SETDB1: variants seen among roughly 807,000 people sequenced by gnomAD.
SETDB1 encodes histone-lysine N-methyltransferase SETDB1.
SETDB1 carries 31 observed loss-of-function variants against 137.4 expected under a neutral mutation model. The ratio of observed to expected loss-of-function variants is 0.23; its 90% CI spans 0.17 to 0.30. The LOEUF (loss-of-function observed/expected upper bound fraction) is 0.30, where lower values mean the gene tolerates loss of function less well. Ranked by LOEUF, SETDB1 falls within the 10% of genes least tolerant of loss-of-function variation. The pLI is 1.00. For missense variants in SETDB1, 1,113 were observed against 1,631.5 expected (o/e 0.68, Z 5.47); for synonymous variants, 548 against 579.9 (o/e 0.95, Z 0.79).
At chr1:150,932,177 G>A (rs920428389) in intron 3 of SETDB1, among the ~76,000 whole-genome samples, 1 of 151,592 alleles carries the variant, frequency 6.6e-6, no homozygotes, top group Admixed American at 6.6e-5. Flanking sequence ...CTTGAGCCCA[G>A]GAGTTCAAGA....
At position 150,960,543 on chromosome 1, in the gene SETDB1, T is replaced by C. The variant is rs1454234167; in HGVS notation, c.2504-20T>C. The C allele has an allele frequency of 7.5e-6, 12 of 1,602,948 alleles. No individual in the cohort carries two copies. The highest frequency in any genetic ancestry group is 1.4e-5 in the African/African-American group (1 of 73,896). ...AGGTCCCCATAACCCTAGAAGGCCT[T>C]TAATTCTCTTCATTCTCAGGCAAAA... On this transcript the variant is annotated intron_variant, in intron 15 of 21. Coordinates refer to ENST00000692827, the MANE Select transcript of SETDB1 (RefSeq NM_001366418.1).
intron 3 of SETDB1, 72 bp from the exon 4 acceptor site, chr1:150,939,868 G>C: frequency 1.8e-6 from 2 of 1,081,540 alleles, no homozygotes; most frequent in Non-Finnish European, 2.8e-6. Flanking sequence ...TTTTGAGTAA[G>C]TTAGTTCTTA....
intron 8 of SETDB1, among the ~76,000 whole-genome samples, chr1:150,944,213 C>A (rs1670252255): frequency 6.6e-6 from 1 of 152,170 alleles, no homozygotes; most frequent in South Asian, 2.1e-4. Flanking sequence ...AAGAGTGAGA[C>A]ACTAGAAGAT....
intron 2 of SETDB1, among the ~76,000 whole-genome samples, chr1:150,929,645 T>G (rs1409551262): frequency 6.6e-6 from 1 of 152,018 alleles, no homozygotes; most frequent in Non-Finnish European, 1.5e-5. Flanking sequence ...GCCTCCCAAA[T>G]TGCTGGGATT....
chr1:150,948,717 T>C (rs1670405953), intron 10 of SETDB1, among the ~76,000 whole-genome samples: 1 of 151,806 alleles, frequency 6.6e-6, no homozygotes. Flanking sequence ...ACTCAAAATG[T>C]GTCCATTGCT....
intron 20 of SETDB1, 124 bp downstream of exon 20, chr1:150,963,865 G>C: frequency 1.5e-6 from 2 of 1,293,198 alleles, no homozygotes; most frequent in Non-Finnish European, 2.2e-6. Flanking sequence ...TAAAGAGGTA[G>C]CTTTCTTTCA....
At chr1:150,948,154 A>G (rs979114293) in intron 10 of SETDB1, among the ~76,000 whole-genome samples, 3 of 151,998 alleles carry the variant, frequency 2.0e-5, no homozygotes, top group Admixed American at 1.3e-4. Flanking sequence ...CTTGAAGCCC[A>G]GGATTTCAAG....
At chr1:150,942,065 G>A (rs753497921) in intron 5 of SETDB1, among the ~76,000 whole-genome samples, 6 of 150,732 alleles carry the variant, frequency 4.0e-5, no homozygotes, top group African/African-American at 7.3e-5. Flanking sequence ...GCTTGAACCC[G>A]GAAGGTGAAG....
At chr1:150,961,631 G>A (rs1390319153) in intron 16 of SETDB1, 1 of 173,220 alleles carries the variant, frequency 5.8e-6, no homozygotes, top group African/African-American at 2.4e-5. Context: ...TCCAGCCTGG[G>A]TGACAGAACG....
intron 10 of SETDB1, among the ~76,000 whole-genome samples, chr1:150,948,621 A>G (rs1195728665): frequency 6.6e-6 from 1 of 152,184 alleles, no homozygotes; most frequent in Admixed American, 6.5e-5. Context: ...TCACTTTAAT[A>G]AAAGAAAAAG....
chr1:150,945,992 A>T (rs1185659439), intron 9 of SETDB1, among the ~76,000 whole-genome samples: 1 of 144,610 alleles, frequency 6.9e-6, no homozygotes, highest in African/African-American at 2.5e-5. Flanking sequence ...GTGAGCCACC[A>T]CGCCTGGCCT....
intron 10 of SETDB1, among the ~76,000 whole-genome samples, chr1:150,947,533 A>G (rs1670365411): frequency 6.6e-6 from 1 of 152,130 alleles, no homozygotes; most frequent in South Asian, 2.1e-4. Flanking sequence ...CACTTTAGGA[A>G]GCTGAGACAG....
chr1:150,961,191 G>A lies in SETDB1; in HGVS notation c.3132G>A (p.Glu1044=). 1 of 1,612,428 alleles carries A rather than the reference G, an allele frequency of 6.2e-7. No homozygotes were observed. The highest frequency in any genetic ancestry group is 1.3e-5 in the African/African-American group (1 of 74,998). ...DEGDIKQAKK[E]DTDDRNKMSV... ...GAGACATCAAACAGGCCAAGAAAGA[G>A]GTAAGCAGTGGCAGAACACTCTGAG... Residue 1044 remains glutamate, a splice_region_variant and synonymous_variant, in exon 16 of 22, where the codon GAG becomes GAA. Transcript: ENST00000692827.
intron 14 of SETDB1, among the ~76,000 whole-genome samples, chr1:150,957,827 C>T (rs1311326591): frequency 6.6e-6 from 1 of 152,162 alleles, no homozygotes; most frequent in Non-Finnish European, 1.5e-5. Flanking sequence ...CCTCAGCATC[C>T]TCAGTAGCTG....
rs1670487106 is a variant in SETDB1, at chr1:150,951,397, A to G, written c.2249A>G (p.Gln750Arg). The G allele has an allele frequency of 1.2e-6, 2 of 1,613,268 alleles. No homozygotes were observed. The highest frequency in any genetic ancestry group is 1.7e-6 in the Non-Finnish European group (2 of 1,179,328). The change falls in exon 14 of 22, where the codon CAG becomes CGG. Residue 750 changes from glutamine (Q) to arginine (R), a missense_variant. Transcript: ENST00000692827. The stretch of plus-strand genomic sequence containing the variant: ...TGTGCCTGCCATCAACTAACTATCC[A>G]GGCTACAGCCTGTACCCCAGGAGGC... ...SKCACHQLTI[Q>R]ATACTPGGQI... is the part of the protein sequence containing the mutation.
Position 150,960,936 on chromosome 1 carries a change from T to C in SETDB1, c.2877T>C (p.Pro959=), listed in dbSNP as rs370958541. 5 of 1,613,380 alleles carry C rather than the reference T, an allele frequency of 3.1e-6. No homozygotes were observed. In the African/African-American group the frequency reaches 5.3e-5, roughly 17 times the overall value. Residue 959 remains proline (P), a synonymous_variant, in exon 16 of 22, where the codon CCT becomes CCC. Coordinates refer to ENST00000692827, the MANE Select transcript of SETDB1 (RefSeq NM_001366418.1). ...CAGATCTTGGACCCCCACATATTCC[T>C]GTTCCTCCCTCAATCCCTGTAGGTG... The part of the protein sequence containing the change: ...HPPDLGPPHI[P]VPPSIPVGGC...
chr1:150,927,565 T>C (rs1418770319), intron 1 of SETDB1, 139 bp from the exon 2 acceptor site: 2 of 712,646 alleles, frequency 2.8e-6, no homozygotes, highest in Non-Finnish European at 4.6e-6. Flanking sequence ...TTCTGGAGAA[T>C]AGGGAGGGAG....
intron 3 of SETDB1, among the ~76,000 whole-genome samples, chr1:150,931,828 A>C (rs898029445): frequency 6.6e-6 from 1 of 150,672 alleles, no homozygotes; most frequent in African/African-American, 2.4e-5. Flanking sequence ...TAGGTTTTCT[A>C]TAGATGTCAT....
chr1:150,937,631 G>C (rs1436942272), intron 3 of SETDB1, among the ~76,000 whole-genome samples: 1 of 152,128 alleles, frequency 6.6e-6, no homozygotes, highest in Admixed American at 6.6e-5. Flanking sequence ...TGGAGGAATT[G>C]AAAACCTCAT....
Sources: allele counts gnomAD v4.1 joint callset (sites outside exome capture counted in the v4.1 genomes callset), GRCh38; gene constraint gnomAD v4.1.1; transcripts MANE v1.5; gene names NCBI Gene and HGNC (gene_info 2026-07-23, HGNC 2026-07-21).